EYA4: variants seen among roughly 807,000 people sequenced by gnomAD.
The protein encoded by EYA4 is EYA transcriptional coactivator and phosphatase 4.
A neutral mutation model predicts 87.9 loss-of-function variants in EYA4; 31 were observed. The observed-to-expected ratio is 0.35, with a 90% CI of 0.27 to 0.48. The LOEUF is 0.48. Ranked by LOEUF, EYA4 falls within the 20% of genes least tolerant of loss-of-function variation. EYA4 has a pLI of 0.99. For synonymous variants in EYA4, 263 were observed against 270.6 expected (o/e 0.97, Z 0.28); for missense variants, 678 against 761.4 (o/e 0.89, Z 1.29).
At chr6:133,462,216 A>T in intron 7 of EYA4, 119 bp from the exon 8 acceptor site, 7 of 1,204,952 alleles carry the variant, frequency 5.8e-6, no homozygotes, top group Non-Finnish European at 8.6e-6. Context: ...TATTGTTAAA[A>T]TTATATTGTG....
At chr6:133,408,902 T>G (rs944017575) in intron 3 of EYA4, among the ~76,000 whole-genome samples, 1 of 152,198 alleles carries the variant, frequency 6.6e-6, no homozygotes, top group African/African-American at 2.4e-5. Flanking sequence ...GTGTGGTCAC[T>G]TTTAGTGGAG....
In EYA4 at chr6:133,252,979, A is replaced by ACTCT. The variant is rs1367349776; in HGVS notation, c.-66+11231_-66+11232insTCTC. On this transcript the variant is annotated intron_variant, in intron 1 of 19. Transcript: ENST00000355286. ...CACACACACACACACACACACACAC[A>ACTCT]CACACACACACTCACTCTCTCTCTC... 1.5e-4 allele frequency among the ~76,000 whole-genome samples: 15 copies of ACTCT among 98,374 alleles called. 1 individual carries two copies. The South Asian group carries it at 4.3e-3, about 28-fold the overall frequency. 64.5% of individuals were successfully genotyped at this position (98,374 alleles called of 152,430 possible).
chr6:133,315,493 A>AG (rs1253060755), intron 2 of EYA4, among the ~76,000 whole-genome samples: 1 of 152,164 alleles, frequency 6.6e-6, no homozygotes, highest in African/African-American at 2.4e-5. Flanking sequence ...CCGTTATGTG[A>AG]GGTTGGGTTG....
At chr6:133,274,213 G>T (rs1776979455) in intron 1 of EYA4, among the ~76,000 whole-genome samples, 1 of 151,890 alleles carries the variant, frequency 6.6e-6, no homozygotes, top group Non-Finnish European at 1.5e-5. Context: ...TTTTAAGGTT[G>T]GTCATGTATT....
intron 3 of EYA4, among the ~76,000 whole-genome samples, chr6:133,405,132 A>G (rs1045930846): frequency 5.3e-5 from 8 of 152,198 alleles, no homozygotes; most frequent in Admixed American, 6.5e-5. Context: ...TCACCATGCC[A>G]TGGCCTCAAC....
rs199964635 is a variant in EYA4 at position 133,316,268 on chromosome 6, GA to G, written c.33+41464del. ...ATTATAAAGTGTGCTGATGATCATA[GA>G]AAAAAAAATAAGCTGCATTTATTTG... On this transcript the variant is annotated intron_variant, in intron 2 of 19. Transcript: ENST00000355286. Among the ~76,000 whole-genome samples, 5 of 150,884 alleles carry G rather than the reference GA, an allele frequency of 3.3e-5. No individual in the cohort carries two copies. The East Asian group carries it at 5.8e-4, about 18-fold the overall frequency.
At chr6:133,252,065 G>C (rs1774951840) in intron 1 of EYA4, among the ~76,000 whole-genome samples, 1 of 152,214 alleles carries the variant, frequency 6.6e-6, no homozygotes, top group Non-Finnish European at 1.5e-5. Context: ...ATACCTGAGA[G>C]AGAGTATGTA....
At chr6:133,377,910 C>G (rs1452363990) in intron 2 of EYA4, among the ~76,000 whole-genome samples, 2 of 151,818 alleles carry the variant, frequency 1.3e-5, no homozygotes, top group African/African-American at 4.8e-5. Context: ...GTGCCTATAG[C>G]AACAATATAG....
At chr6:133,263,359 T>G (rs1775950416) in intron 1 of EYA4, among the ~76,000 whole-genome samples, 1 of 152,202 alleles carries the variant, frequency 6.6e-6, no homozygotes, top group South Asian at 2.1e-4. Context: ...ATCTGGGTGC[T>G]TAAATTCTGC....
chr6:133,281,556 C>T (rs1777628330), intron 2 of EYA4, among the ~76,000 whole-genome samples: 1 of 152,136 alleles, frequency 6.6e-6, no homozygotes, highest in Non-Finnish European at 1.5e-5. Flanking sequence ...ATAGTTTTAG[C>T]TCTTACATTT....
chr6:133,466,015 C>G (rs1242430565), intron 10 of EYA4, among the ~76,000 whole-genome samples: 1 of 152,016 alleles, frequency 6.6e-6, no homozygotes, highest in African/African-American at 2.4e-5. Flanking sequence ...ATTGGTCCAG[C>G]AAGCATTTAT....
chr6:133,395,178 T>C (rs1329642030), intron 3 of EYA4, among the ~76,000 whole-genome samples: 1 of 151,998 alleles, frequency 6.6e-6, no homozygotes, highest in Non-Finnish European at 1.5e-5. Context: ...TTATCTAGAA[T>C]TATTCCTTTT....
intron 13 of EYA4, among the ~76,000 whole-genome samples, chr6:133,483,677 CTTTTA>C (rs1796428809): frequency 7.5e-6 from 1 of 133,042 alleles, no homozygotes; most frequent in African/African-American, 3.5e-5. Flanking sequence ...TTTATTTTCT[CTTTTA>C]TTTATTTATT....
chr6:133,280,728 A>T (rs1777553898), intron 2 of EYA4, among the ~76,000 whole-genome samples: 1 of 152,162 alleles, frequency 6.6e-6, no homozygotes, highest in Non-Finnish European at 1.5e-5. Context: ...ATTCTCATAC[A>T]ATACAGCTCA....
At chr6:133,333,959 G>A (rs1177102566) in intron 2 of EYA4, among the ~76,000 whole-genome samples, 1 of 152,104 alleles carries the variant, frequency 6.6e-6, no homozygotes, top group Admixed American at 6.6e-5. Context: ...GTATACTAAG[G>A]AAATCTTTCT....
intron 1 of EYA4, among the ~76,000 whole-genome samples, chr6:133,250,315 A>C (rs540297055): frequency 6.6e-6 from 1 of 152,252 alleles, no homozygotes; most frequent in South Asian, 2.1e-4. Flanking sequence ...GAAATCTGAG[A>C]GACTCAGTTC....
At chr6:133,341,838 G>A (rs1423346415) in intron 2 of EYA4, among the ~76,000 whole-genome samples, 1 of 152,178 alleles carries the variant, frequency 6.6e-6, no homozygotes, top group African/African-American at 2.4e-5. Flanking sequence ...GAAATAGTTA[G>A]TGTGGAATGG....
At chr6:133,364,590 A>G (rs1204900079) in intron 2 of EYA4, among the ~76,000 whole-genome samples, 1 of 152,186 alleles carries the variant, frequency 6.6e-6, no homozygotes, top group Non-Finnish European at 1.5e-5. Context: ...GCTAATTCTT[A>G]ACAGATTTAC....
chr6:133,328,383 A>T (rs1436727025), intron 2 of EYA4, among the ~76,000 whole-genome samples: 1 of 152,114 alleles, frequency 6.6e-6, no homozygotes, highest in Non-Finnish European at 1.5e-5. Context: ...CTCTCTAAGT[A>T]CCCTTCTCTT....
Sources: allele counts gnomAD v4.1 joint callset (sites outside exome capture counted in the v4.1 genomes callset), GRCh38; gene constraint gnomAD v4.1.1; transcripts MANE v1.5; gene names NCBI Gene and HGNC (gene_info 2026-07-23, HGNC 2026-07-21).